The following TRAPPC9 variants were observed in gnomAD, a reference collection of about 807,000 sequenced individuals.
TRAPPC9 encodes the protein IKK2 binding protein.
TRAPPC9 carries 83 observed loss-of-function variants against 124.0 expected under a neutral mutation model. The ratio of observed to expected loss-of-function variants is 0.67; its 90% CI spans 0.56 to 0.80. The LOEUF is 0.80. TRAPPC9 is among the 30% of genes least tolerant of loss of function. The pLI, the probability that TRAPPC9 is intolerant of heterozygous loss-of-function variation, is 0.00. For synonymous variants in TRAPPC9, 638 were observed against 617.5 expected (o/e 1.03, Z -0.49); for missense variants, 1,302 against 1,508.3 (o/e 0.86, Z 2.27).
intron 9 of TRAPPC9, among the ~76,000 whole-genome samples, chr8:140,331,867 C>G (rs766758719): frequency 6.6e-6 from 1 of 152,126 alleles, no homozygotes; most frequent in African/African-American, 2.4e-5. Context: ...CTCTTAGGTG[C>G]TGTTGATAGG....
intron 14 of TRAPPC9, among the ~76,000 whole-genome samples, chr8:140,277,339 A>T (rs7008098): frequency 0.6 from 90,514 of 152,054 alleles, 27,752 homozygotes; most frequent in Middle Eastern, 0.72. Flanking sequence ...ATCTTTAACG[A>T]TCATGAGTCA....
At chr8:140,171,718 T>C (rs935309503) in intron 17 of TRAPPC9, among the ~76,000 whole-genome samples, 3 of 152,052 alleles carry the variant, frequency 2.0e-5, no homozygotes, top group Admixed American at 6.5e-5. Flanking sequence ...CGTGGACCCG[T>C]AGGAGGAAAA....
At chr8:139,753,178 C>T (rs1819473485) in intron 21 of TRAPPC9, among the ~76,000 whole-genome samples, 1 of 150,484 alleles carries the variant, frequency 6.6e-6, no homozygotes, top group African/African-American at 2.5e-5. Flanking sequence ...ATCCATCCAT[C>T]CAACATCTAC....
chr8:140,241,917 C>T lies in TRAPPC9; in HGVS notation c.2431+10860G>A, dbSNP rs1169987838. On this transcript the variant is annotated intron_variant, in intron 16 of 22. Coordinates refer to ENST00000438773, the MANE Select transcript of TRAPPC9 (RefSeq NM_001160372.4). The surrounding 1 kb of genome is among the most constrained non-coding windows in gnomAD (Gnocchi z 5.0). ...GCATACTGGGAAAGGAGAGAGCACACGGCAGCTACGTGGGAGACTCAGGGA... is the reference window on the plus strand; with the variant it reads ...GCATACTGGGAAAGGAGAGAGCACATGGCAGCTACGTGGGAGACTCAGGGA... Among the ~76,000 whole-genome samples, 2 of 152,072 alleles carry T rather than the reference C, an allele frequency of 1.3e-5. No individual in the cohort carries two copies. Among genetic ancestry groups the T allele is most frequent in the Non-Finnish European group, 2.9e-5 (2 of 68,030 alleles).
intron 20 of TRAPPC9, among the ~76,000 whole-genome samples, chr8:139,887,212 T>G (rs990484610): frequency 6.6e-6 from 1 of 151,192 alleles, no homozygotes; most frequent in Non-Finnish European, 1.5e-5. Context: ...TGTGTCCTAT[T>G]TTAGCTTTTT....
chr8:139,882,944 C>A (rs1237677075), intron 21 of TRAPPC9, among the ~76,000 whole-genome samples: 2 of 152,118 alleles, frequency 1.3e-5, no homozygotes, highest in African/African-American at 4.8e-5. Context: ...AATCCCTGAG[C>A]CCCCCTATGA....
chr8:140,171,717 G>A (rs1186948755), intron 17 of TRAPPC9, among the ~76,000 whole-genome samples: 2 of 152,144 alleles, frequency 1.3e-5, no homozygotes, highest in Non-Finnish European at 2.9e-5. Flanking sequence ...CCGTGGACCC[G>A]TAGGAGGAAA....
chr8:140,141,186 A>T (rs1394748608), intron 17 of TRAPPC9, among the ~76,000 whole-genome samples: 1 of 152,148 alleles, frequency 6.6e-6, no homozygotes, highest in Non-Finnish European at 1.5e-5. Context: ...TTCACTTCCC[A>T]TGGTTTCAGC....
chr8:139,861,045 G>A (rs1420459012), intron 21 of TRAPPC9, among the ~76,000 whole-genome samples: 2 of 152,274 alleles, frequency 1.3e-5, no homozygotes, highest in African/African-American at 4.8e-5. Context: ...TTTCTGTCAG[G>A]CGGCATATGC....
intron 16 of TRAPPC9, among the ~76,000 whole-genome samples, chr8:140,249,552 T>C (rs1373867964): frequency 1.3e-5 from 2 of 152,086 alleles, no homozygotes. Flanking sequence ...TGTATTTTTT[T>C]TCCTTCACCC....
Position 140,416,433 on chromosome 8 carries a change from CAG to C in TRAPPC9, c.886+10180_886+10181del, listed in dbSNP as rs1251576539. On this transcript the variant is annotated intron_variant, in intron 5 of 22. Transcript: ENST00000438773. ...GAAAAGCCAGGGACACAATAATAGACAGAGAGCCAAATCATGAGTGAACTCCC... is the reference window on the plus strand; with the variant it reads ...GAAAAGCCAGGGACACAATAATAGACAGAGCCAAATCATGAGTGAACTCCC... Among the ~76,000 whole-genome samples the C allele has an allele frequency of 2.6e-5, 4 of 152,180 alleles. No homozygotes were observed. In the East Asian group the frequency reaches 7.7e-4, roughly 29 times the overall value.
At position 140,150,837 on chromosome 8, in the gene TRAPPC9, T is replaced by TC. The variant is rs201702938; in HGVS notation, c.2556+70621dup. On this transcript the variant is annotated intron_variant, in intron 17 of 22. Coordinates refer to ENST00000438773, the MANE Select transcript of TRAPPC9 (RefSeq NM_001160372.4). ...GCTCGGCCACCCCTCTGTCACCGTG[T>TC]CTTGCAGCTTGTTTTTGTTTTTCCT... Among the ~76,000 whole-genome samples the TC allele has an allele frequency of 9.6e-3, 1,392 of 145,664 alleles. 18 individuals carry two copies. The highest frequency in any genetic ancestry group is 0.014 in the Middle Eastern group (4 of 292).
At chr8:140,247,526 T>G (rs2064016130) in intron 16 of TRAPPC9, among the ~76,000 whole-genome samples, 1 of 152,202 alleles carries the variant, frequency 6.6e-6, no homozygotes, top group Admixed American at 6.5e-5. Flanking sequence ...GATTCTCATG[T>G]ATACAGTGTA....
chr8:139,798,612 G>C (rs563052677), intron 21 of TRAPPC9, among the ~76,000 whole-genome samples: 12 of 152,326 alleles, frequency 7.9e-5, no homozygotes, highest in Non-Finnish European at 1.5e-4. Context: ...CAGGATCTGT[G>C]CTTTGAAAGA....
intron 20 of TRAPPC9, among the ~76,000 whole-genome samples, chr8:139,894,843 C>T (rs75080301): frequency 0.012 from 1,854 of 152,244 alleles, 40 homozygotes; most frequent in African/African-American, 0.042. Context: ...AGTGACCAAT[C>T]CTCACTGAAG....
chr8:139,859,371 C>T (rs1827993131), intron 21 of TRAPPC9, among the ~76,000 whole-genome samples: 1 of 152,154 alleles, frequency 6.6e-6, no homozygotes, highest in Non-Finnish European at 1.5e-5. Flanking sequence ...CTAATGACCC[C>T]CAGAGACATT....
chr8:139,799,592 T>C (rs1823330224), intron 21 of TRAPPC9, among the ~76,000 whole-genome samples: 3 of 152,144 alleles, frequency 2.0e-5, no homozygotes, highest in Admixed American at 2.0e-4. Flanking sequence ...CTCACAGGGT[T>C]CCATCAGACC....
rs558259832 is a variant in TRAPPC9, at chr8:140,272,016, G to GA, written c.2278+3641_2278+3642insT. Among the ~76,000 whole-genome samples the GA allele has an allele frequency of 6.3e-4, 95 of 150,812 alleles. No individual in the cohort carries two copies. In the East Asian group the frequency reaches 0.016, roughly 25 times the overall value. On this transcript the variant is annotated intron_variant, in intron 15 of 22. Transcript: ENST00000438773. ...GTGGTGGTAGTGATGGTGGTGACGGGTGATGGTGGCAGTGGTAATGGTGGT... is the reference window on the plus strand; with the variant it reads ...GTGGTGGTAGTGATGGTGGTGACGGGATGATGGTGGCAGTGGTAATGGTGGT...
At position 140,156,970 on chromosome 8, in the gene TRAPPC9, CAAA is replaced by C. The variant is rs1186012009; in HGVS notation, c.2556+64486_2556+64488del. On this transcript the variant is annotated intron_variant, in intron 17 of 22. Coordinates refer to ENST00000438773, the MANE Select transcript of TRAPPC9 (RefSeq NM_001160372.4). ...CATTCAAAAGCCTCCCTTTTCCATT[CAAA>C]AGCCTCCCTTTCCATTCAAAAGCCT... Among the ~76,000 whole-genome samples, 67 of 132,472 alleles carry C rather than the reference CAAA, an allele frequency of 5.1e-4. 1 individual carries two copies. Among genetic ancestry groups the C allele is most frequent in the Non-Finnish European group, 8.4e-4 (52 of 62,028 alleles). 86.9% of individuals were successfully genotyped at this position (132,472 alleles called of 152,430 possible). A position where few individuals can be genotyped will look rare whatever the true frequency, so the allele number is the denominator to read the frequency against.
Sources: gnomAD v4.1 joint callset for allele counts (sites outside exome capture counted in the v4.1 genomes callset) on GRCh38, gnomAD v4.1.1 for gene constraint, Gnocchi (gnomAD v3.1) non-coding constraint, MANE v1.5 for transcripts, NCBI Gene and HGNC (gene_info 2026-07-23, HGNC 2026-07-21) for gene names.